The following MAGI2 variants were observed in gnomAD, a reference collection of about 807,000 sequenced individuals.
MAGI2 encodes membrane-associated guanylate kinase, WW and PDZ domain-containing protein 2.
A neutral mutation model predicts 133.3 loss-of-function variants in MAGI2; 35 were observed. The ratio of observed to expected loss-of-function variants is 0.26; its 90% CI spans 0.20 to 0.35. The LOEUF is 0.35. Among genes scored for constraint, MAGI2 ranks in the 10% least tolerant of loss-of-function variants. The pLI is 1.00. For synonymous variants in MAGI2, 729 were observed against 710.6 expected (o/e 1.03, Z -0.41); for missense variants, 1,636 against 1,863.4 (o/e 0.88, Z 2.25).
intron 2 of MAGI2, among the ~76,000 whole-genome samples, chr7:78,746,845 A>G (rs921615822): frequency 2.0e-5 from 3 of 152,220 alleles, no homozygotes; most frequent in African/African-American, 7.2e-5. Flanking sequence ...TTCACTAAGG[A>G]AAAATAAGAA....
chr7:78,055,928 C>T (rs1458443154), intron 21 of MAGI2, among the ~76,000 whole-genome samples: 1 of 152,152 alleles, frequency 6.6e-6, no homozygotes, highest in Non-Finnish European at 1.5e-5. Flanking sequence ...TCCTGTGTGG[C>T]AGTGTCTTTT....
At chr7:78,040,010 G>T (rs2868833) in intron 21 of MAGI2, among the ~76,000 whole-genome samples, 61,216 of 152,068 alleles carry the variant, frequency 0.4, 12,644 homozygotes, top group African/African-American at 0.43. Context: ...AATCCTCACA[G>T]TAATGTGTGG....
chr7:78,078,213 ATTATCT>A (rs1432338868), intron 21 of MAGI2: 2 of 152,350 alleles, frequency 1.3e-5, no homozygotes, highest in East Asian at 1.9e-4. Flanking sequence ...ACTCACTGAG[ATTATCT>A]TTAAAGGCCA....
intron 1 of MAGI2, among the ~76,000 whole-genome samples, chr7:79,122,574 A>G (rs1318301072): frequency 6.6e-6 from 1 of 152,180 alleles, no homozygotes; most frequent in Non-Finnish European, 1.5e-5. Flanking sequence ...TGATTTCGTT[A>G]TATCTGGAGT....
At chr7:79,161,315 C>T (rs938940591) in intron 1 of MAGI2, among the ~76,000 whole-genome samples, 2 of 152,004 alleles carry the variant, frequency 1.3e-5, no homozygotes, top group Admixed American at 1.3e-4. Context: ...AGGGTAAAAG[C>T]TGGAGTGCTA....
intron 9 of MAGI2, among the ~76,000 whole-genome samples, chr7:78,311,677 A>G (rs1469736122): frequency 1.3e-5 from 2 of 152,204 alleles, no homozygotes; most frequent in Non-Finnish European, 2.9e-5. Context: ...TAGAGATAAA[A>G]TATCTTTGTA....
intron 3 of MAGI2, among the ~76,000 whole-genome samples, chr7:78,561,057 A>G (rs1800350016): frequency 6.6e-6 from 1 of 152,188 alleles, no homozygotes; most frequent in African/African-American, 2.4e-5. Context: ...GGATTCACAG[A>G]GGTGTAGCAA....
chr7:79,156,304 G>C (rs1196592235), intron 1 of MAGI2, among the ~76,000 whole-genome samples: 2 of 152,006 alleles, frequency 1.3e-5, no homozygotes, highest in African/African-American at 4.8e-5. Context: ...GTCTTTTGTG[G>C]GGGAAAATTT....
chr7:78,402,675 A>G (rs576560327), intron 6 of MAGI2, among the ~76,000 whole-genome samples: 1 of 152,364 alleles, frequency 6.6e-6, no homozygotes, highest in East Asian at 1.9e-4. Flanking sequence ...CTAAAAACAC[A>G]GATTAAACTT....
intron 3 of MAGI2, among the ~76,000 whole-genome samples, chr7:78,608,504 T>A (rs1806080044): frequency 1.3e-5 from 2 of 151,790 alleles, no homozygotes; most frequent in African/African-American, 4.8e-5. Context: ...TATAGAAGCA[T>A]ATATAATGTG....
At chr7:78,114,775 G>A (rs1819693160) in intron 20 of MAGI2, among the ~76,000 whole-genome samples, 1 of 152,178 alleles carries the variant, frequency 6.6e-6, no homozygotes, top group South Asian at 2.1e-4. Context: ...TGTGGCAGTG[G>A]CAAGAACTCA....
At chr7:78,500,499 G>GTGAAGATTTT (rs1343959838) in intron 5 of MAGI2, among the ~76,000 whole-genome samples, 1 of 152,098 alleles carries the variant, frequency 6.6e-6, no homozygotes, top group African/African-American at 2.4e-5. Context: ...TTAATTTTGT[G>GTGAAGATTTT]CGAAGATTTT....
At position 78,398,921 on chromosome 7, in the gene MAGI2, C is replaced by A. The variant is rs563444248; in HGVS notation, c.1046-29708G>T. Among the ~76,000 whole-genome samples the A allele has an allele frequency of 2.0e-5, 3 of 152,268 alleles. No homozygotes were observed. The South Asian group carries it at 6.2e-4, about 32-fold the overall frequency. On this transcript the variant is annotated intron_variant, in intron 6 of 21. Coordinates refer to ENST00000354212, the MANE Select transcript of MAGI2 (RefSeq NM_012301.4). Reference sequence around the variant, plus strand: ...CTTGCCCGTTTAATTGTAAACTCCACCCAGTGCAAATTTTCTTTGACAATG... The same window carrying A: ...CTTGCCCGTTTAATTGTAAACTCCAACCAGTGCAAATTTTCTTTGACAATG...
chr7:79,243,133 A>G (rs933655739), intron 1 of MAGI2, among the ~76,000 whole-genome samples: 1 of 152,136 alleles, frequency 6.6e-6, no homozygotes, highest in African/African-American at 2.4e-5. Context: ...TTCAAAAAAC[A>G]ACAAAAAAAG....
intron 1 of MAGI2, among the ~76,000 whole-genome samples, chr7:79,215,199 T>C (rs1024377471): frequency 8.6e-5 from 13 of 151,868 alleles, no homozygotes; most frequent in African/African-American, 3.2e-4. Context: ...GTTTAAAGAC[T>C]GACAAACAGA....
At chr7:79,378,331 T>C (rs571892962) in intron 1 of MAGI2, among the ~76,000 whole-genome samples, 1 of 151,940 alleles carries the variant, frequency 6.6e-6, no homozygotes, top group East Asian at 1.9e-4. Context: ...CAATATTAAC[T>C]CATTTAATCC....
chr7:78,677,010 T>C (rs931095743), intron 2 of MAGI2, among the ~76,000 whole-genome samples: 1 of 152,152 alleles, frequency 6.6e-6, no homozygotes, highest in Non-Finnish European at 1.5e-5. Context: ...TTCCCCAAGT[T>C]TGAGTCAACA....
Position 78,521,442 on chromosome 7 carries a change from C to T in MAGI2, c.742G>A (p.Val248Ile). ...GTAAATGACTAACCTGGTGTTACTA[C>T]TACTCCATTTCCATTGACCACAGGC... Reference protein sequence around the residue: ...ERPVVNGNGVVVTPESSEHED... With the variant: ...ERPVVNGNGVIVTPESSEHED... The change falls in exon 4 of 22, where the codon GTA (valine) becomes ATA (isoleucine). Residue 248 changes from valine to isoleucine, a missense_variant. This residue lies in a region of MAGI2 where 165 missense variants were observed against 128.4 expected (regional missense o/e 1.28). Coordinates refer to ENST00000354212, the MANE Select transcript of MAGI2 (RefSeq NM_012301.4). The T allele has an allele frequency of 6.2e-7, 1 of 1,613,598 alleles. No individual in the cohort carries two copies. The highest frequency in any genetic ancestry group is 8.5e-7 in the Non-Finnish European group (1 of 1,179,794).
chr7:78,054,827 A>AT (rs1264281156), intron 21 of MAGI2, among the ~76,000 whole-genome samples: 2 of 151,686 alleles, frequency 1.3e-5, no homozygotes, highest in East Asian at 1.9e-4. Context: ...TAATCTTTGT[A>AT]TTTTTTGTAG....
Sources: gnomAD v4.1 joint callset for allele counts (sites outside exome capture counted in the v4.1 genomes callset) on GRCh38, gnomAD v4.1.1 for gene constraint, gnomAD v4.1.1 regional missense constraint, MANE v1.5 for transcripts, NCBI Gene and HGNC (gene_info 2026-07-23, HGNC 2026-07-21) for gene names.